Variants in INPP4A observed in about 807,000 individuals in gnomAD.
INPP4A encodes the protein inositol polyphosphate-4-phosphatase type I A, also known as inositol polyphosphate-4-phosphatase, type I, 107kD.
A neutral mutation model predicts 119.8 loss-of-function variants in INPP4A; 33 were observed. That is an observed-to-expected ratio of 0.28 (90% CI 0.21 to 0.37). The LOEUF is 0.37. Among genes scored for constraint, INPP4A ranks in the 10% least tolerant of loss-of-function variants. INPP4A has a pLI of 1.00. For missense variants in INPP4A, 956 were observed against 1,289.9 expected (o/e 0.74, Z 3.97); for synonymous variants, 496 against 500.7 (o/e 0.99, Z 0.12).
chr2:98,494,593 G>T (rs191280042), intron 1 of INPP4A, among the ~76,000 whole-genome samples: 3 of 151,862 alleles, frequency 2.0e-5, no homozygotes, highest in Admixed American at 2.0e-4. Context: ...GTTTATAAAA[G>T]TGTAGGGAAA....
chr2:98,576,859 T>A (rs1698504910), intron 23 of INPP4A, 130 bp from the exon 24 acceptor site: 4 of 1,104,776 alleles, frequency 3.6e-6, no homozygotes, highest in African/African-American at 1.6e-5. Context: ...TTGGAGCGTC[T>A]GGCCAGGCCT....
At chr2:98,536,074 G>A (rs1690217949) in intron 6 of INPP4A, 55 bp from the exon 7 acceptor site, 1 of 1,120,208 alleles carries the variant, frequency 8.9e-7, no homozygotes, top group African/African-American at 1.5e-5. Context: ...CATGGTAATT[G>A]CATCAGAAGC....
At chr2:98,463,030 C>T (rs1574519933) in intron 1 of INPP4A, among the ~76,000 whole-genome samples, 1 of 151,980 alleles carries the variant, frequency 6.6e-6, no homozygotes, top group South Asian at 2.1e-4. Context: ...TTAGTAGAAA[C>T]GGGGTTTCAC....
chr2:98,522,417 G>T (rs977942668), intron 4 of INPP4A, among the ~76,000 whole-genome samples: 1 of 151,762 alleles, frequency 6.6e-6, no homozygotes, highest in Non-Finnish European at 1.5e-5. Context: ...AATCTTAGAA[G>T]TTTAAAATAT....
In INPP4A at chr2:98,505,351, T is replaced by A. The variant is rs1016509590; in HGVS notation, c.-165-13613T>A. 2.6e-5 allele frequency among the ~76,000 whole-genome samples: 4 copies of A among 152,240 alleles called. No homozygotes were observed. In the East Asian group the frequency reaches 7.7e-4, roughly 29 times the overall value. ...GTTGTGTCTCATGAGTGGGCTGACCTTGGTGGAGGCTTGCGTTTCCCATGT... is the reference window on the plus strand; with the variant it reads ...GTTGTGTCTCATGAGTGGGCTGACCATGGTGGAGGCTTGCGTTTCCCATGT... On this transcript the variant is annotated intron_variant, in intron 1 of 24. Transcript: ENST00000409851.
chr2:98,547,022 C>T (rs1692598878), intron 13 of INPP4A, among the ~76,000 whole-genome samples: 1 of 152,188 alleles, frequency 6.6e-6, no homozygotes, highest in African/African-American at 2.4e-5. Flanking sequence ...CAGTTGAGCA[C>T]CATAGGCATC....
rs1574887132 is a variant in INPP4A, at chr2:98,520,596, G to T, written c.107-91G>T. 5 of 776,434 alleles carry T rather than the reference G, an allele frequency of 6.4e-6. No individual in the cohort carries two copies. In the East Asian group the frequency reaches 1.4e-4, roughly 21 times the overall value. 48.1% of individuals were successfully genotyped at this position (776,434 alleles called of 1,614,324 possible). A position where few individuals can be genotyped will look rare whatever the true frequency, so the allele number is the denominator to read the frequency against. On this transcript the variant is annotated intron_variant, in intron 3 of 24. Coordinates refer to ENST00000409851, the MANE Select transcript of INPP4A (RefSeq NM_001134225.2). ...TTGCATGGCAGTTTTTGTTGTTGTT[G>T]GGGGGAAGTAGAGGGTCATTTGTGC... is the stretch of plus-strand genomic sequence containing the variant.
At chr2:98,450,066 C>G (rs1694953482) in intron 1 of INPP4A, among the ~76,000 whole-genome samples, 2 of 151,820 alleles carry the variant, frequency 1.3e-5, no homozygotes, top group African/African-American at 2.4e-5. Flanking sequence ...TTCTTGGCAG[C>G]TTTAGAATGT....
Position 98,563,636 on chromosome 2 carries a change from C to T in INPP4A, c.2027C>T (p.Thr676Met), listed in dbSNP as rs746971958. 12 of 1,612,010 alleles carry T rather than the reference C, an allele frequency of 7.4e-6. No homozygotes were observed. The highest frequency in any genetic ancestry group is 4.5e-5 in the East Asian group (2 of 44,898). ...CGCCGTGACGTGGTCTTCTGCCAGA[C>T]GGTAGGCCCCGGGAGCACCCCGAGG... The part of the protein sequence containing the change: ...QYRRDVVFCQ[T>M]LTALICGFII... The change falls in exon 18 of 25, where the codon ACG becomes ATG. Residue 676 changes from threonine (T) to methionine (M), a missense_variant and splice_region_variant. By Grantham distance (81) the Thr-to-Met change is moderately conservative. Around this residue, in one of 2 missense-constraint regions of INPP4A, gnomAD observed 304 missense variants for 492.1 expected, o/e 0.62. Coordinates refer to ENST00000409851, the MANE Select transcript of INPP4A (RefSeq NM_001134225.2).
chr2:98,523,320 CT>C (rs1687575095), intron 4 of INPP4A, among the ~76,000 whole-genome samples: 1 of 151,970 alleles, frequency 6.6e-6, no homozygotes. Context: ...GAAGAAACTG[CT>C]TTAAAAAGTA....
chr2:98,482,031 T>G (rs1169725433), intron 1 of INPP4A, among the ~76,000 whole-genome samples: 1 of 152,222 alleles, frequency 6.6e-6, no homozygotes, highest in African/African-American at 2.4e-5. Context: ...CCCAGTTTTT[T>G]GGGAAGCTGC....
chr2:98,571,133 G>A (rs1005702410), intron 22 of INPP4A, among the ~76,000 whole-genome samples: 2 of 152,330 alleles, frequency 1.3e-5, no homozygotes, highest in Middle Eastern at 3.4e-3. Flanking sequence ...AGCAGGGACC[G>A]GAGTTCAAAC....
chr2:98,502,909 T>G (rs1683391729), intron 1 of INPP4A, among the ~76,000 whole-genome samples: 2 of 152,210 alleles, frequency 1.3e-5, no homozygotes, highest in Admixed American at 1.3e-4. Context: ...GTTTTTGAGT[T>G]ATTGGATTTT....
chr2:98,465,860 A>G (rs1356485939), intron 1 of INPP4A, among the ~76,000 whole-genome samples: 1 of 152,024 alleles, frequency 6.6e-6, no homozygotes, highest in Non-Finnish European at 1.5e-5. Flanking sequence ...TCGGCGCAGT[A>G]CTTGAGCAGA....
At chr2:98,529,796 T>A (rs1360251358) in intron 4 of INPP4A, among the ~76,000 whole-genome samples, 1 of 152,174 alleles carries the variant, frequency 6.6e-6, no homozygotes, top group African/African-American at 2.4e-5. Context: ...GGGTGAACTT[T>A]ATGATATGTG....
At chr2:98,545,771 C>T (rs1169994831) in intron 11 of INPP4A, among the ~76,000 whole-genome samples, 198 bp from the exon 12 acceptor site, 1 of 152,184 alleles carries the variant, frequency 6.6e-6, no homozygotes, top group Admixed American at 6.5e-5. Flanking sequence ...GCTCTCCTGA[C>T]CAGCAGGCTG....
chr2:98,522,286 CA>C lies in INPP4A; in HGVS notation c.151+1572del, dbSNP rs199634396. 5.9e-3 allele frequency among the ~76,000 whole-genome samples: 333 copies of C among 56,302 alleles called. 1 individual carries two copies. Among genetic ancestry groups the C allele is most frequent in the East Asian group, 0.041 (76 of 1,858 alleles). 36.9% of individuals were successfully genotyped at this position (56,302 alleles called of 152,430 possible). A position where few individuals can be genotyped will look rare whatever the true frequency, so the allele number is the denominator to read the frequency against. ...TGGGCAACAGAGCGAGACTCTGTCTCAAAAAAAAAAAAAAAAAGAAAGAAAG... is the reference window on the plus strand; with the variant it reads ...TGGGCAACAGAGCGAGACTCTGTCTCAAAAAAAAAAAAAAAAGAAAGAAAG... On this transcript the variant is annotated intron_variant, in intron 4 of 24. Transcript: ENST00000409851.
At chr2:98,581,893 A>T in intron 24 of INPP4A, 4 of 1,367,674 alleles carry the variant, frequency 2.9e-6, no homozygotes, top group Non-Finnish European at 2.9e-6. Flanking sequence ...TTACATTTTG[A>T]CGTTTTGTTC....
At chr2:98,557,238 C>T (rs960675725) in intron 16 of INPP4A, among the ~76,000 whole-genome samples, 4 of 152,156 alleles carry the variant, frequency 2.6e-5, no homozygotes, top group African/African-American at 9.7e-5. Flanking sequence ...TAGGGTTTGA[C>T]TTGCGTGTGC....
Sources: gnomAD v4.1 joint callset for allele counts (sites outside exome capture counted in the v4.1 genomes callset) on GRCh38, gnomAD v4.1.1 for gene constraint, gnomAD v4.1.1 regional missense constraint, MANE v1.5 for transcripts, NCBI Gene and HGNC (gene_info 2026-07-23, HGNC 2026-07-21) for gene names.